RALGAPA2: variants seen among roughly 807,000 people sequenced by gnomAD.
The protein encoded by RALGAPA2 is ral GTPase-activating protein subunit alpha-2.
Under a neutral mutation model 230.4 loss-of-function variants are expected in RALGAPA2, and 139 were observed. The observed-to-expected ratio is 0.60, with a 90% CI of 0.53 to 0.69. The LOEUF (loss-of-function observed/expected upper bound fraction) is 0.69, where lower values mean the gene tolerates loss of function less well. RALGAPA2 is among the 30% of genes least tolerant of loss of function. The pLI, the probability that RALGAPA2 is intolerant of heterozygous loss-of-function variation, is 0.00. For missense variants in RALGAPA2, 2,163 were observed against 2,276.0 expected (o/e 0.95, Z 1.01); for synonymous variants, 847 against 837.8 (o/e 1.01, Z -0.19).
intron 24 of RALGAPA2, among the ~76,000 whole-genome samples, chr20:20,539,769 C>G (rs2063594372): frequency 6.6e-6 from 1 of 152,200 alleles, no homozygotes; most frequent in Admixed American, 6.5e-5. Flanking sequence ...CCCATCTCCC[C>G]CTACCCCAAC....
In RALGAPA2 at chr20:20,584,846, G is replaced by C. The variant is rs1461172343; in HGVS notation, c.2530+19C>G. The stretch of plus-strand genomic sequence containing the variant: ...TATCAACTCTGTAGTTGGAGGAACA[G>C]ACATTTCCCGGAACTTACTCTTCTG... On this transcript the variant is annotated intron_variant, in intron 19 of 39. Coordinates refer to ENST00000202677, the MANE Select transcript of RALGAPA2 (RefSeq NM_020343.4). 6.5e-7 allele frequency: 1 copy of C among 1,545,840 alleles called. No individual in the cohort carries two copies. The highest frequency in any genetic ancestry group is 8.9e-7 in the Non-Finnish European group (1 of 1,120,702).
chr20:20,709,390 A>C (rs151114768), intron 1 of RALGAPA2, among the ~76,000 whole-genome samples: 8 of 152,126 alleles, frequency 5.3e-5, no homozygotes, highest in African/African-American at 1.9e-4. Flanking sequence ...CCAGGGGCTG[A>C]GGTGGGAGAT....
At chr20:20,591,349 T>C in intron 16 of RALGAPA2, 35 bp from the exon 17 acceptor site, 1 of 1,585,720 alleles carries the variant, frequency 6.3e-7, no homozygotes, top group Non-Finnish European at 8.6e-7. Context: ...AAGTTACAGT[T>C]CAAGTTTTTA....
chr20:20,544,274 T>A (rs1381087022), intron 24 of RALGAPA2, among the ~76,000 whole-genome samples: 1 of 148,618 alleles, frequency 6.7e-6, no homozygotes, highest in Non-Finnish European at 1.5e-5. Flanking sequence ...ATAAAAAAAA[T>A]AGCTGGGCAT....
chr20:20,686,378 T>C lies in RALGAPA2; in HGVS notation c.107-5577A>G, dbSNP rs533569714. ...CTGGCCAACATGGTGAAATCCCAAC[T>C]CTACTAAAAATACAAAAATTAGCTG... is the stretch of plus-strand genomic sequence containing the variant. On this transcript the variant is annotated intron_variant, in intron 1 of 39. Transcript: ENST00000202677. Among the ~76,000 whole-genome samples the C allele has an allele frequency of 2.6e-5, 4 of 152,112 alleles. 1 individual carries two copies. Among genetic ancestry groups the C allele is most frequent in the South Asian group, 4.2e-4 (2 of 4,814 alleles).
chr20:20,700,946 C>A (rs975764796), intron 1 of RALGAPA2, among the ~76,000 whole-genome samples: 2 of 152,194 alleles, frequency 1.3e-5, no homozygotes, highest in African/African-American at 2.4e-5. Context: ...CAGCTCAACT[C>A]CCCAGTAGAC....
chr20:20,476,121 G>A (rs768713691), intron 36 of RALGAPA2, among the ~76,000 whole-genome samples: 1 of 152,108 alleles, frequency 6.6e-6, no homozygotes, highest in Non-Finnish European at 1.5e-5. Context: ...TGGACTGGAA[G>A]TTTCAATATT....
intron 37 of RALGAPA2, among the ~76,000 whole-genome samples, chr20:20,466,172 G>A (rs1569423507): frequency 1.3e-5 from 2 of 152,248 alleles, no homozygotes. Flanking sequence ...AGAGACTGCT[G>A]TCAGTAGAAG....
chr20:20,521,231 T>C, intron 30 of RALGAPA2, 131 bp from the exon 31 acceptor site: 1 of 658,774 alleles, frequency 1.5e-6, no homozygotes, highest in Non-Finnish European at 2.5e-6. Context: ...ATGACCACTC[T>C]TAAATATCTT....
At chr20:20,559,450 A>T (rs377451610) in intron 23 of RALGAPA2, among the ~76,000 whole-genome samples, 26 of 152,276 alleles carry the variant, frequency 1.7e-4, no homozygotes, top group South Asian at 6.2e-4. Context: ...CCACTAGCAA[A>T]GCAGCAATAC....
chr20:20,573,627 C>T (rs2064721802), intron 20 of RALGAPA2, among the ~76,000 whole-genome samples: 1 of 152,210 alleles, frequency 6.6e-6, no homozygotes, highest in African/African-American at 2.4e-5. Context: ...TTCTCAGCCT[C>T]TTGCAACTAC....
chr20:20,404,537 G>A (rs376035302), intron 38 of RALGAPA2, among the ~76,000 whole-genome samples: 1 of 152,190 alleles, frequency 6.6e-6, no homozygotes, highest in African/African-American at 2.4e-5. Context: ...TGCTGAGCCA[G>A]GAGGACTTGA....
chr20:20,641,046 A>C (rs2067014330), intron 5 of RALGAPA2, among the ~76,000 whole-genome samples, 168 bp from the exon 6 acceptor site: 1 of 152,192 alleles, frequency 6.6e-6, no homozygotes, highest in Non-Finnish European at 1.5e-5. Context: ...AATACAGCAC[A>C]AGAGTTAAGA....
intron 31 of RALGAPA2, 90 bp from the exon 32 acceptor site, chr20:20,513,374 G>C (rs950952337): frequency 1.1e-5 from 12 of 1,087,520 alleles, no homozygotes; most frequent in Non-Finnish European, 1.4e-5. Flanking sequence ...GCAGGGGGCA[G>C]TTCCAATATG....
Position 20,487,403 on chromosome 20 carries a change from G to A in RALGAPA2, c.5367+7714C>T, listed in dbSNP as rs533105197. On this transcript the variant is annotated intron_variant, in intron 36 of 39. Transcript: ENST00000202677. ...ACTATACAAAAGCCCTCCTGATATC[G>A]TAGTTAGATATGGAGAAGAGGAAGC... Among the ~76,000 whole-genome samples the A allele has an allele frequency of 8.5e-5, 13 of 152,228 alleles. No individual in the cohort carries two copies. The South Asian group carries it at 1.2e-3, about 15-fold the overall frequency.
intron 20 of RALGAPA2, among the ~76,000 whole-genome samples, chr20:20,580,943 T>TA (rs2064966581): frequency 6.6e-6 from 1 of 152,226 alleles, no homozygotes; most frequent in African/African-American, 2.4e-5. Flanking sequence ...ATCAGGCTCA[T>TA]ATGAGTTTTA....
Position 20,495,260 on chromosome 20 carries a change from TC to T in RALGAPA2, c.5223del (p.Asn1742MetfsTer34). ...GACCAGACGATATGGACCTCGTCATTCCCCAAGTGACGAAGCTGCAACAGCA... is the reference window on the plus strand; with the variant it reads ...GACCAGACGATATGGACCTCGTCATTCCCAAGTGACGAAGCTGCAACAGCA... ...DSLTKKLRHL[G>X]NDEVHIVWSE... On this transcript the variant is annotated frameshift_variant, in exon 36 of 40. Coordinates refer to ENST00000202677, the MANE Select transcript of RALGAPA2 (RefSeq NM_020343.4). LOFTEE classifies it high-confidence loss of function. The T allele has an allele frequency of 6.5e-7, 1 of 1,527,010 alleles. No homozygotes were observed. The allele number at this position is 1,527,010 out of a possible 1,614,324, so 94.6% of individuals were successfully genotyped here.
Position 20,589,253 on chromosome 20 carries a change from T to G in RALGAPA2, c.2439+15A>C, listed in dbSNP as rs907657966. 1 of 1,544,726 alleles carries G rather than the reference T, an allele frequency of 6.5e-7. No individual in the cohort carries two copies. Among genetic ancestry groups the G allele is most frequent in the Admixed American group, 2.0e-5 (1 of 49,404 alleles). On this transcript the variant is annotated intron_variant, in intron 18 of 39. Transcript: ENST00000202677. The stretch of plus-strand genomic sequence containing the variant: ...ATTTTTAATGACAAACTGAAATGGC[T>G]TGAAAATATCTTACTGTTATTCCTT...
At chr20:20,617,708 T>C (rs2066191633) in intron 12 of RALGAPA2, among the ~76,000 whole-genome samples, 1 of 152,124 alleles carries the variant, frequency 6.6e-6, no homozygotes, top group African/African-American at 2.4e-5. Flanking sequence ...ATGTCCAGAG[T>C]ACATTTGTCA....
Sources: allele counts gnomAD v4.1 joint callset (sites outside exome capture counted in the v4.1 genomes callset), GRCh38; gene constraint gnomAD v4.1.1; transcripts MANE v1.5; gene names NCBI Gene and HGNC (gene_info 2026-07-23, HGNC 2026-07-21).